Variants in RGS6 observed in about 807,000 individuals in gnomAD.
The protein encoded by RGS6 is regulator of G-protein signaling 6.
Under a neutral mutation model 78.5 loss-of-function variants are expected in RGS6, and 30 were observed. The ratio of observed to expected loss-of-function variants is 0.38; its 90% CI spans 0.29 to 0.52. The LOEUF is 0.52. RGS6 is among the 20% of genes least tolerant of loss of function. The probability of loss-of-function intolerance (pLI) is 0.85; values close to 1 mark genes in which losing one functional copy is unlikely to be tolerated. For synonymous variants in RGS6, 206 were observed against 206.0 expected (o/e 1.00, Z 0.00); for missense variants, 495 against 609.7 (o/e 0.81, Z 1.98).
At chr14:71,909,611 G>T in the RGS6 span, among the ~76,000 whole-genome samples, 1 of 44,456 alleles carries the variant, frequency 2.2e-5, no homozygotes, top group African/African-American at 9.2e-5. Flanking sequence ...AGGAGAGAAA[G>T]GAGAGAGAGG....
intron 3 of RGS6, among the ~76,000 whole-genome samples, chr14:72,389,474 A>G (rs1161281416): frequency 2.0e-5 from 3 of 152,124 alleles, no homozygotes; most frequent in African/African-American, 7.2e-5. Flanking sequence ...TGGTGGAGGA[A>G]AATTATCTGA....
intron 2 of RGS6, among the ~76,000 whole-genome samples, chr14:72,171,064 A>G (rs1425197097): frequency 6.6e-6 from 1 of 152,200 alleles, no homozygotes; most frequent in Non-Finnish European, 1.5e-5. Context: ...GCATAGAACT[A>G]AATTATTAAA....
chr14:72,548,684 C>A (rs78337957), intron 17 of RGS6, among the ~76,000 whole-genome samples: 14 of 152,262 alleles, frequency 9.2e-5, no homozygotes, highest in African/African-American at 3.4e-4. Flanking sequence ...GAAGCCACGT[C>A]GGAAGAGGCT....
At chr14:72,383,227 C>G (rs1201777721) in intron 3 of RGS6, among the ~76,000 whole-genome samples, 2 of 132,870 alleles carry the variant, frequency 1.5e-5, no homozygotes, top group Non-Finnish European at 3.2e-5. Flanking sequence ...CACAAACACA[C>G]TAGTATGTGT....
intron 2 of RGS6, among the ~76,000 whole-genome samples, chr14:72,074,249 T>C (rs1044900958): frequency 2.0e-5 from 3 of 152,228 alleles, no homozygotes; most frequent in African/African-American, 7.2e-5. Flanking sequence ...CAGACTGGAA[T>C]GCAGTGGTGT....
intron 2 of RGS6, among the ~76,000 whole-genome samples, chr14:72,038,996 A>G (rs1287515261): frequency 6.6e-6 from 1 of 152,202 alleles, no homozygotes; most frequent in Non-Finnish European, 1.5e-5. Flanking sequence ...TCACAGGAGG[A>G]AAGCATTCAG....
intron 15 of RGS6, among the ~76,000 whole-genome samples, chr14:72,529,410 C>T (rs560300257): frequency 6.6e-6 from 1 of 152,156 alleles, no homozygotes. Context: ...TCATGGGACT[C>T]ATGCTCCAGT....
At chr14:71,904,488 G>GA in the RGS6 span, among the ~76,000 whole-genome samples, 1 of 152,208 alleles carries the variant, frequency 6.6e-6, no homozygotes, top group Non-Finnish European at 1.5e-5. Flanking sequence ...CCCACAAGGG[G>GA]AGAGCCTGTG....
At chr14:72,326,058 C>G (rs571992668) in intron 2 of RGS6, among the ~76,000 whole-genome samples, 1 of 152,324 alleles carries the variant, frequency 6.6e-6, no homozygotes, top group Admixed American at 6.5e-5. Flanking sequence ...CTACATTACA[C>G]TTGTGCAATT....
chr14:72,279,820 A>T (rs1039609131), intron 2 of RGS6, among the ~76,000 whole-genome samples: 5 of 152,226 alleles, frequency 3.3e-5, no homozygotes, highest in South Asian at 4.1e-4. Flanking sequence ...TATAGGGTAT[A>T]GAAGTGTAGA....
At chr14:72,116,688 G>T (rs2095894208) in intron 2 of RGS6, among the ~76,000 whole-genome samples, 1 of 152,082 alleles carries the variant, frequency 6.6e-6, no homozygotes, top group Non-Finnish European at 1.5e-5. Context: ...AGTAGGCTGG[G>T]TGCAGTGGCT....
the RGS6 span, among the ~76,000 whole-genome samples, chr14:71,915,256 C>CAA: frequency 1.6e-5 from 2 of 125,310 alleles, no homozygotes; most frequent in East Asian, 4.6e-4. Flanking sequence ...GACTCCTTGT[C>CAA]AAAAAAAAAA....
At chr14:72,064,242 G>A (rs1177918011) in intron 2 of RGS6, among the ~76,000 whole-genome samples, 1 of 151,980 alleles carries the variant, frequency 6.6e-6, no homozygotes, top group African/African-American at 2.4e-5. Context: ...AGGTGAAGGA[G>A]GAGGGTGAAG....
intron 3 of RGS6, among the ~76,000 whole-genome samples, chr14:72,376,393 A>T (rs189416012): frequency 2.0e-5 from 3 of 152,350 alleles, no homozygotes; most frequent in Admixed American, 2.0e-4. Flanking sequence ...TGCATTGTGG[A>T]CATTCTGGAA....
chr14:72,013,292 A>AC (rs1477498370), intron 2 of RGS6, among the ~76,000 whole-genome samples: 12 of 150,056 alleles, frequency 8.0e-5, no homozygotes, highest in African/African-American at 2.9e-4. Flanking sequence ...AAAAAAAAAA[A>AC]AACAACAACA....
chr14:72,334,414 G>A (rs2075661105), intron 2 of RGS6, among the ~76,000 whole-genome samples: 1 of 152,178 alleles, frequency 6.6e-6, no homozygotes, highest in African/African-American at 2.4e-5. Flanking sequence ...CCATAGGGTG[G>A]ACAAGCCACA....
At chr14:72,059,965 C>T (rs1322468272) in intron 2 of RGS6, among the ~76,000 whole-genome samples, 1 of 152,162 alleles carries the variant, frequency 6.6e-6, no homozygotes, top group Non-Finnish European at 1.5e-5. Context: ...TGAGAGACCT[C>T]TGCTGGAGTG....
intron 2 of RGS6, among the ~76,000 whole-genome samples, chr14:72,340,858 C>T (rs2076860319): frequency 6.6e-6 from 1 of 152,034 alleles, no homozygotes; most frequent in Non-Finnish European, 1.5e-5. Flanking sequence ...AGGAGTGATT[C>T]AGAGATGAGA....
the RGS6 span, among the ~76,000 whole-genome samples, chr14:71,875,743 T>C: frequency 6.6e-6 from 1 of 152,208 alleles, no homozygotes; most frequent in African/African-American, 2.4e-5. Flanking sequence ...TGTTAGGGTG[T>C]CAATTTTAGA....
Sources: allele counts gnomAD v4.1 joint callset (sites outside exome capture counted in the v4.1 genomes callset), GRCh38; gene constraint gnomAD v4.1.1; transcripts MANE v1.5; gene names NCBI Gene and HGNC (gene_info 2026-07-23, HGNC 2026-07-21).